The following TTLL9 variants were observed in gnomAD, a reference collection of about 807,000 sequenced individuals.
The protein encoded by TTLL9 is probable tubulin polyglutamylase TTLL9.
Under a neutral mutation model 65.6 loss-of-function variants are expected in TTLL9, and 47 were observed. That is an observed-to-expected ratio of 0.72 (90% CI 0.57 to 0.91). The LOEUF (loss-of-function observed/expected upper bound fraction) is 0.91, where lower values mean the gene tolerates loss of function less well. Among genes scored for constraint, TTLL9 ranks in the 40% least tolerant of loss-of-function variants. The pLI is 0.00. For synonymous variants in TTLL9, 179 were observed against 204.8 expected, an observed-to-expected ratio of 0.87 and a Z score of 1.07; for missense variants, 537 against 568.8, an observed-to-expected ratio of 0.94 and a Z score of 0.57.
intron 10 of TTLL9, among the ~76,000 whole-genome samples, chr20:31,931,352 T>C (rs1174849211): frequency 1.3e-5 from 2 of 152,156 alleles, no homozygotes; most frequent in Non-Finnish European, 2.9e-5. Flanking sequence ...GTGCTGGGAT[T>C]ACAGCCTCGA....
At chr20:31,876,728 A>G (rs947501377) in intron 2 of TTLL9, among the ~76,000 whole-genome samples, 2 of 152,166 alleles carry the variant, frequency 1.3e-5, no homozygotes, top group South Asian at 2.1e-4. Context: ...ACTTTATGAG[A>G]TATTGCCAAA....
intron 2 of TTLL9, among the ~76,000 whole-genome samples, chr20:31,882,977 T>C (rs2063139816): frequency 6.6e-6 from 1 of 152,162 alleles, no homozygotes; most frequent in Non-Finnish European, 1.5e-5. Flanking sequence ...TCATTTCCCT[T>C]GGGGAAGACA....
Position 31,890,642 on chromosome 20 carries a change from G to A in TTLL9, c.113+3403G>A, listed in dbSNP as rs115563487. Among the ~76,000 whole-genome samples the A allele has an allele frequency of 1.6e-3, 247 of 152,304 alleles. 3 individuals are homozygous for A. Among genetic ancestry groups the A allele is most frequent in the African/African-American group, 5.7e-3 (239 of 41,568 alleles). On this transcript the variant is annotated intron_variant, in intron 3 of 14. Coordinates refer to ENST00000535842, the MANE Select transcript of TTLL9 (RefSeq NM_001008409.5). ...CAGCTAAGGAGAGAAACCAGTAAAA[G>A]GTGCATCATCGACAGGTAATTGCTG... is the stretch of plus-strand genomic sequence containing the variant.
intron 3 of TTLL9, among the ~76,000 whole-genome samples, chr20:31,891,710 C>T (rs2063309465): frequency 6.6e-6 from 1 of 152,108 alleles, no homozygotes; most frequent in Admixed American, 6.6e-5. Flanking sequence ...GGTCCCTTTA[C>T]AACTTAAAAA....
chr20:31,873,766 AAGAG>A (rs1180780837), intron 2 of TTLL9, among the ~76,000 whole-genome samples: 16 of 115,344 alleles, frequency 1.4e-4, no homozygotes, highest in South Asian at 4.6e-4. Context: ...GAAAGAAAGA[AAGAG>A]AAAGAAAGAA....
chr20:31,917,263 G>A (rs74333103), intron 6 of TTLL9, among the ~76,000 whole-genome samples: 11,938 of 152,134 alleles, frequency 0.078, 461 homozygotes, highest in Middle Eastern at 0.21. Flanking sequence ...ACTAAACATC[G>A]TAGGTTTGCT....
At position 31,944,488 on chromosome 20, in the gene TTLL9, G is replaced by A. The variant is rs551300380; in HGVS notation, c.*1467G>A. ...CCAACCCTGCAGGTGCTGTTCTGAGGGAATCACACTGTGCTTGCACAAAAA... is the reference window on the plus strand; with the variant it reads ...CCAACCCTGCAGGTGCTGTTCTGAGAGAATCACACTGTGCTTGCACAAAAA... On this transcript the variant is annotated 3_prime_UTR_variant, in exon 15 of 15. Transcript: ENST00000535842. The A allele has an allele frequency of 7.6e-4, 116 of 152,672 alleles. No homozygotes were observed. The highest frequency in any genetic ancestry group is 1.2e-3 in the Admixed American group (19 of 15,348). 9.5% of individuals were successfully genotyped at this position (152,672 alleles called of 1,614,324 possible). A position where few individuals can be genotyped will look rare whatever the true frequency, so the allele number is the denominator to read the frequency against.
At position 31,890,204 on chromosome 20, in the gene TTLL9, T is replaced by C. The variant is rs1044052375; in HGVS notation, c.113+2965T>C. ...TTCTTTCTTTCTTTCTTTCTTTCTCTTTCTTTCATCAAAAGAGCAAAACTT... is the reference window on the plus strand; with the variant it reads ...TTCTTTCTTTCTTTCTTTCTTTCTCCTTCTTTCATCAAAAGAGCAAAACTT... On this transcript the variant is annotated intron_variant, in intron 3 of 14. Coordinates refer to ENST00000535842, the MANE Select transcript of TTLL9 (RefSeq NM_001008409.5). 2.1e-5 allele frequency among the ~76,000 whole-genome samples: 3 copies of C among 145,830 alleles called. No homozygotes were observed. The Admixed American group carries it at 2.1e-4, about 10-fold the overall frequency.
intron 6 of TTLL9, among the ~76,000 whole-genome samples, chr20:31,918,508 A>G (rs1230380391): frequency 5.3e-5 from 8 of 152,124 alleles, no homozygotes; most frequent in Middle Eastern, 6.8e-3. Flanking sequence ...GATAGCTGGT[A>G]CTACAGGGGT....
chr20:31,909,987 G>A lies in TTLL9; in HGVS notation c.504+65G>A, dbSNP rs956794876. 14 of 1,506,678 alleles carry A rather than the reference G, an allele frequency of 9.3e-6. No individual in the cohort carries two copies. The African/African-American group carries it at 1.7e-4, about 18-fold the overall frequency. The allele number at this position is 1,506,678 out of a possible 1,614,324, so 93.3% of individuals were successfully genotyped here. A position where few individuals can be genotyped will look rare whatever the true frequency, so the allele number is the denominator to read the frequency against. ...GTCCCAGGTGCCATAGCAGGGATCA[G>A]GTGCAGACACTGCCTGGGAATTCAG... On this transcript the variant is annotated intron_variant, in intron 6 of 14. Transcript: ENST00000535842.
At chr20:31,921,337 G>A in intron 7 of TTLL9, among the ~76,000 whole-genome samples, 1 of 152,236 alleles carries the variant, frequency 6.6e-6, no homozygotes, top group African/African-American at 2.4e-5. Flanking sequence ...GTGCTGGAGA[G>A]GATGTGGAGA....
At chr20:31,913,491 G>T (rs2063687319) in intron 6 of TTLL9, among the ~76,000 whole-genome samples, 1 of 152,178 alleles carries the variant, frequency 6.6e-6, no homozygotes, top group African/African-American at 2.4e-5. Flanking sequence ...TGACATGGTT[G>T]ATCTTTGCCC....
chr20:31,881,674 C>T (rs889852265), intron 2 of TTLL9, among the ~76,000 whole-genome samples: 7 of 145,368 alleles, frequency 4.8e-5, no homozygotes, highest in Non-Finnish European at 8.9e-5. Context: ...GGCATGAACA[C>T]GGCTCACTGA....
chr20:31,908,635 G>A lies in TTLL9; in HGVS notation c.251G>A (p.Arg84Gln), dbSNP rs200777586. ...DFYWCDVSWLRENFDHTYMDE... is the reference protein window; with the variant it reads ...DFYWCDVSWLQENFDHTYMDE... ...TACTGGTGTGACGTCAGCTGGCTCC[G>A]GGAGAACTTCGACCACACCTACATG... The change falls in exon 5 of 15, where the codon CGG becomes CAG. Residue 84 changes from arginine to glutamine, a missense_variant. Physicochemically the swap from Arg to Gln is conservative, Grantham distance 43. This residue lies in a region of TTLL9 where 320 missense variants were observed against 311.0 expected (regional missense o/e 1.03). Coordinates refer to ENST00000535842, the MANE Select transcript of TTLL9 (RefSeq NM_001008409.5). 4.5e-5 allele frequency: 72 copies of A among 1,613,950 alleles called. No homozygotes were observed. The highest frequency in any genetic ancestry group is 4.1e-4 in the African/African-American group (31 of 75,004).
chr20:31,925,889 C>T (rs751654437), intron 9 of TTLL9, 160 bp from the exon 10 acceptor site: 2 of 1,551,708 alleles, frequency 1.3e-6, no homozygotes, highest in Non-Finnish European at 1.7e-6. Flanking sequence ...CCGCTGCGGG[C>T]CTGGCTCTAC....
rs551126027 is a variant in TTLL9 at position 31,925,656 on chromosome 20, C to T, written c.706-393C>T. On this transcript the variant is annotated intron_variant, in intron 9 of 14. Coordinates refer to ENST00000535842, the MANE Select transcript of TTLL9 (RefSeq NM_001008409.5). Reference sequence around the variant, plus strand: ...CCACCCCTGTTCTCCTGGACTTCACCTTCATTTTATTTCCTTCTGTATCCC... The same window carrying T: ...CCACCCCTGTTCTCCTGGACTTCACTTTCATTTTATTTCCTTCTGTATCCC... Among the ~76,000 whole-genome samples the T allele has an allele frequency of 2.6e-5, 4 of 152,248 alleles. No individual in the cohort carries two copies. The South Asian group carries it at 8.3e-4, about 32-fold the overall frequency.
chr20:31,931,325 T>C (rs762002091), intron 10 of TTLL9, among the ~76,000 whole-genome samples: 12 of 152,128 alleles, frequency 7.9e-5, no homozygotes, highest in Non-Finnish European at 1.6e-4. Context: ...GCGATCCTCC[T>C]GCCTTGCCCT....
chr20:31,883,977 A>C (rs2063153072), intron 2 of TTLL9: 1 of 451,454 alleles, frequency 2.2e-6, no homozygotes, highest in Non-Finnish European at 4.1e-6. Flanking sequence ...AAAAAGCATA[A>C]ATATTGAAAA....
chr20:31,900,755 G>A lies in TTLL9; in HGVS notation c.206+2190G>A, dbSNP rs2063466178. ...AAGTGCTTGGGGGGAGTTGGGAGGA[G>A]AGTTAGAAGAGAGTGAGGTGACTAG... is the stretch of plus-strand genomic sequence containing the variant. On this transcript the variant is annotated intron_variant, in intron 4 of 14. Coordinates refer to ENST00000535842, the MANE Select transcript of TTLL9 (RefSeq NM_001008409.5). 2.6e-5 allele frequency among the ~76,000 whole-genome samples: 4 copies of A among 152,170 alleles called. 1 individual carries two copies. Among genetic ancestry groups the A allele is most frequent in the Non-Finnish European group, 5.9e-5 (4 of 68,022 alleles).
Sources: allele counts gnomAD v4.1 joint callset (sites outside exome capture counted in the v4.1 genomes callset), GRCh38; gene constraint gnomAD v4.1.1; regional missense constraint gnomAD v4.1.1; transcripts MANE v1.5; gene names NCBI Gene and HGNC (gene_info 2026-07-23, HGNC 2026-07-21).